Variants in PARP16 observed in about 807,000 individuals in gnomAD.
PARP16 encodes the protein protein mono-ADP-ribosyltransferase PARP16.
Under a neutral mutation model 35.0 loss-of-function variants are expected in PARP16, and 31 were observed. The ratio of observed to expected loss-of-function variants is 0.88; its 90% CI spans 0.66 to 1.19. The LOEUF is 1.19. PARP16 is among the 50% of genes most tolerant of loss of function. The pLI is 0.00. For missense variants in PARP16, 424 were observed against 411.2 expected, an observed-to-expected ratio of 1.03 and a Z score of -0.27; for synonymous variants, 162 against 169.5, an observed-to-expected ratio of 0.96 and a Z score of 0.34.
chr15:65,245,330 C>T (rs2089181038), intron 3 of PARP16, among the ~76,000 whole-genome samples: 1 of 152,208 alleles, frequency 6.6e-6, no homozygotes, highest in Admixed American at 6.5e-5. Context: ...GGCGGTAGGA[C>T]ACGTTGCCAC....
intron 1 of PARP16, among the ~76,000 whole-genome samples, chr15:65,276,929 C>G (rs1380309975): frequency 6.6e-6 from 1 of 151,288 alleles, no homozygotes; most frequent in Non-Finnish European, 1.5e-5. Flanking sequence ...TCGCAGTGAA[C>G]CGAGATCACG....
chr15:65,277,566 G>A (rs2090294420), intron 1 of PARP16, among the ~76,000 whole-genome samples: 2 of 152,242 alleles, frequency 1.3e-5, no homozygotes, highest in Non-Finnish European at 2.9e-5. Context: ...AACCTGTTTT[G>A]AAGATGAGGA....
At chr15:65,236,754 C>T (rs2088888193) in intron 3 of PARP16, among the ~76,000 whole-genome samples, 3 of 152,174 alleles carry the variant, frequency 2.0e-5, no homozygotes, top group East Asian at 1.9e-4. Context: ...GGGCGGATCA[C>T]GAGGTCAAGA....
chr15:65,266,498 C>A, intron 3 of PARP16, 64 bp downstream of exon 3: 1 of 1,379,526 alleles, frequency 7.2e-7, no homozygotes, highest in Admixed American at 1.7e-5. Context: ...TGAATCTCCC[C>A]CTCCCCACTC....
intron 2 of PARP16, among the ~76,000 whole-genome samples, chr15:65,249,296 A>C (rs530989298): frequency 3.9e-5 from 6 of 152,294 alleles, no homozygotes; most frequent in African/African-American, 1.4e-4. Context: ...ATGGTGTGGG[A>C]ATCTAATTCC....
chr15:65,266,647 C>T lies in PARP16; in HGVS notation c.434G>A (p.Arg145Gln), dbSNP rs755772499. 1.2e-5 allele frequency: 19 copies of T among 1,614,126 alleles called. No individual in the cohort carries two copies. In the South Asian group the frequency reaches 1.3e-4, roughly 11 times the overall value. ...ACCATGAAATGCATAGATTAGGTCTCGTTCTCCTTTGGTCTCATAAAATTT... is the reference window on the plus strand; with the variant it reads ...ACCATGAAATGCATAGATTAGGTCTTGTTCTCCTTTGGTCTCATAAAATTT... ...NAKFYETKGE[R>Q]DLIYAFHGSR... Residue 145 changes from arginine to glutamine, a missense_variant, in exon 3 of 6, where the codon CGA becomes CAA. Arg to Gln is a conservative substitution (Grantham distance 43). Transcript: ENST00000649807.
chr15:65,235,159 T>C (rs919875613), intron 3 of PARP16, among the ~76,000 whole-genome samples: 8 of 149,420 alleles, frequency 5.4e-5, no homozygotes, highest in African/African-American at 2.0e-4. Context: ...AAAAAAAAAT[T>C]AGCCGGGCGT....
chr15:65,246,451 C>T (rs929221599), intron 3 of PARP16, among the ~76,000 whole-genome samples: 18 of 152,192 alleles, frequency 1.2e-4, no homozygotes, highest in Admixed American at 5.2e-4. Flanking sequence ...CAGAGCGATG[C>T]GCTCCCAGCA....
Position 65,259,450 on chromosome 15 carries a change from T to C in PARP16, c.926A>G (p.Asn309Ser). 6.2e-7 allele frequency: 1 copy of C among 1,613,826 alleles called. No individual in the cohort carries two copies. Among genetic ancestry groups the C allele is most frequent in the Non-Finnish European group, 8.5e-7 (1 of 1,179,880 alleles). Reference protein sequence around the residue: ...LLLLLIVSVINSSAFQHFWNR... With the variant: ...LLLLLIVSVISSSAFQHFWNR... ...CCAAAAGTGTTGGAAAGCAGAGGAG[T>C]TGATGACACTCACTATGAGCAGCAG... is the stretch of plus-strand genomic sequence containing the variant. Residue 309 changes from asparagine to serine, a missense_variant, in exon 6 of 6, where the codon AAC becomes AGC. Transcript: ENST00000649807.
rs372489026 is a variant in PARP16, at chr15:65,282,674, T to C, written c.174+3579A>G. 2.0e-5 allele frequency: 3 copies of C among 152,282 alleles called. No individual in the cohort carries two copies. The East Asian group carries it at 5.8e-4, about 29-fold the overall frequency. 9.4% of individuals were successfully genotyped at this position (152,282 alleles called of 1,614,324 possible). A position where few individuals can be genotyped will look rare whatever the true frequency, so the allele number is the denominator to read the frequency against. On this transcript the variant is annotated intron_variant, in intron 1 of 5. Transcript: ENST00000649807. ...AACAGAAATGGATGGTAAGAATGCG[T>C]GTTTCTCCAGTAGCCCTCAAGAGAA...
intron 5 of PARP16, 80 bp from the exon 6 acceptor site, chr15:65,259,622 T>C: frequency 3.1e-6 from 4 of 1,307,878 alleles, no homozygotes; most frequent in Non-Finnish European, 4.3e-6. Context: ...AGTCTGGCTC[T>C]AAGAAGACAA....
chr15:65,279,525 ATATGTATC>A (rs1361382712), intron 1 of PARP16, among the ~76,000 whole-genome samples: 6 of 152,132 alleles, frequency 3.9e-5, no homozygotes, highest in African/African-American at 1.2e-4. Context: ...ACATAATATT[ATATGTATC>A]TATGTCTGTA....
downstream of PARP16, among the ~76,000 whole-genome samples, chr15:65,232,872 C>T (rs780208673): frequency 2.0e-5 from 3 of 150,674 alleles, no homozygotes; most frequent in African/African-American, 4.9e-5. Flanking sequence ...CCCTAGCCAA[C>T]ATAGTGAGAG....
intron 1 of PARP16, among the ~76,000 whole-genome samples, chr15:65,278,981 T>A (rs2090341160): frequency 6.6e-6 from 1 of 152,030 alleles, no homozygotes; most frequent in Non-Finnish European, 1.5e-5. Context: ...ACAGGTACAA[T>A]TTGCTTTGCA....
rs2090605965 is a variant in PARP16, at chr15:65,286,605, T to C, written c.-179A>G. ...GGTGAGAACGTGCCGACAAGTGTCC[T>C]CTGCCGGGGTCTGGGCCGCGGCTCG... On this transcript the variant is annotated 5_prime_UTR_variant, in exon 1 of 6. Transcript: ENST00000649807. The C allele has an allele frequency of 2.1e-6, 1 of 471,408 alleles. No individual in the cohort carries two copies. The highest frequency in any genetic ancestry group is 2.0e-5 in the African/African-American group (1 of 48,812). The allele number at this position is 471,408 out of a possible 1,614,324, so 29.2% of individuals were successfully genotyped here. A position where few individuals can be genotyped will look rare whatever the true frequency, so the allele number is the denominator to read the frequency against.
At chr15:65,268,470 G>A (rs2089977537) in intron 2 of PARP16, among the ~76,000 whole-genome samples, 2 of 152,112 alleles carry the variant, frequency 1.3e-5, no homozygotes, top group Non-Finnish European at 2.9e-5. Flanking sequence ...TTTTGAGACA[G>A]GATCTGGCTC....
intron 3 of PARP16, among the ~76,000 whole-genome samples, chr15:65,238,480 T>C (rs2088952247): frequency 6.6e-6 from 1 of 152,056 alleles, no homozygotes; most frequent in African/African-American, 2.4e-5. Flanking sequence ...CTATCCTGGA[T>C]TTCTCCATTT....
intron 1 of PARP16, among the ~76,000 whole-genome samples, chr15:65,275,992 G>A (rs572212): frequency 0.014 from 2,150 of 152,216 alleles, 48 homozygotes; most frequent in African/African-American, 0.044. Context: ...CTAGCCAGGT[G>A]CCTTTCAGGG....
intron 1 of PARP16, among the ~76,000 whole-genome samples, chr15:65,278,810 G>A (rs1165004418): frequency 1.3e-5 from 2 of 152,182 alleles, no homozygotes; most frequent in Non-Finnish European, 2.9e-5. Flanking sequence ...AGTGTCAGAG[G>A]TCACAGTTAC....
Sources: allele counts gnomAD v4.1 joint callset (sites outside exome capture counted in the v4.1 genomes callset), GRCh38; gene constraint gnomAD v4.1.1; transcripts MANE v1.5; gene names NCBI Gene and HGNC (gene_info 2026-07-23, HGNC 2026-07-21).